LRP1B: variants seen among roughly 807,000 people sequenced by gnomAD.
LRP1B encodes the protein LDL receptor related protein 1B.
LRP1B carries 217 observed loss-of-function variants against 556.6 expected under a neutral mutation model. The ratio of observed to expected loss-of-function variants is 0.39; its 90% confidence interval spans 0.35 to 0.44. LRP1B has a LOEUF of 0.44. LRP1B is among the 20% of genes least tolerant of loss of function. The pLI, the probability that LRP1B is intolerant of heterozygous loss-of-function variation, is 1.00. For synonymous variants in LRP1B, 2,047 were observed against 1,865.8 expected, an observed-to-expected ratio of 1.10 and a Z score of -2.50; for missense variants, 5,053 against 5,620.8, an observed-to-expected ratio of 0.90 and a Z score of 3.23.
intron 31 of LRP1B, among the ~76,000 whole-genome samples, chr2:140,832,138 G>A (rs1691739973): frequency 6.6e-6 from 1 of 151,176 alleles, no homozygotes; most frequent in Non-Finnish European, 1.5e-5. Flanking sequence ...ACTTATATAT[G>A]ATTTTTTTTT....
At chr2:140,902,813 T>C in intron 23 of LRP1B, 107 bp downstream of exon 23, 1 of 1,180,868 alleles carries the variant, frequency 8.5e-7, no homozygotes, top group Non-Finnish European at 1.2e-6. Context: ...AAATGCTTTA[T>C]CTAAAATGAG....
intron 2 of LRP1B, among the ~76,000 whole-genome samples, chr2:141,556,155 A>T (rs1685954014): frequency 6.6e-6 from 1 of 151,830 alleles, no homozygotes; most frequent in South Asian, 2.1e-4. Flanking sequence ...TTCACTAGGG[A>T]CTACCACAAA....
chr2:140,477,728 A>G (rs1483580817), intron 59 of LRP1B, among the ~76,000 whole-genome samples: 1 of 152,202 alleles, frequency 6.6e-6, no homozygotes, highest in Non-Finnish European at 1.5e-5. Flanking sequence ...CCAAGACACC[A>G]AGAAGAGAAA....
chr2:140,833,952 A>G (rs992927105), intron 31 of LRP1B, among the ~76,000 whole-genome samples: 20 of 152,246 alleles, frequency 1.3e-4, no homozygotes, highest in Non-Finnish European at 2.4e-4. Flanking sequence ...TTTTAATAAC[A>G]TAACATTACT....
intron 7 of LRP1B, among the ~76,000 whole-genome samples, chr2:141,160,881 C>T (rs975752875): frequency 6.6e-6 from 1 of 151,110 alleles, no homozygotes; most frequent in Admixed American, 6.6e-5. Context: ...TTCCAAAGGG[C>T]TATATACCAA....
intron 2 of LRP1B, among the ~76,000 whole-genome samples, chr2:141,714,725 A>T (rs1238551345): frequency 6.6e-6 from 1 of 152,160 alleles, no homozygotes; most frequent in Non-Finnish European, 1.5e-5. Flanking sequence ...AGGAAACTTA[A>T]GACAACTTTC....
rs549998230 is a variant in LRP1B, at chr2:141,614,937, C to T, written c.206-134404G>A. Among the ~76,000 whole-genome samples the T allele has an allele frequency of 8.5e-5, 13 of 152,220 alleles. 1 individual carries two copies. The South Asian group carries it at 1.0e-3, about 12-fold the overall frequency. On this transcript the variant is annotated intron_variant, in intron 2 of 90. Transcript: ENST00000389484. The stretch of plus-strand genomic sequence containing the variant: ...AACACACTGCATCCTGGTATAATAA[C>T]GTGGAAGTGGCTTTGGAATTGGGTA...
intron 45 of LRP1B, among the ~76,000 whole-genome samples, chr2:140,539,578 C>A (rs1021673000): frequency 3.9e-5 from 6 of 152,070 alleles, no homozygotes; most frequent in African/African-American, 1.2e-4. Flanking sequence ...CAAGGACAGG[C>A]CTCCACCGAA....
intron 3 of LRP1B, among the ~76,000 whole-genome samples, chr2:141,276,309 T>A (rs1685282511): frequency 6.6e-6 from 1 of 151,194 alleles, no homozygotes; most frequent in African/African-American, 2.4e-5. Context: ...TTTTTTAGCT[T>A]TTAGTTTTAG....
chr2:141,597,088 G>T (rs566364138), intron 2 of LRP1B, among the ~76,000 whole-genome samples: 5 of 149,758 alleles, frequency 3.3e-5, no homozygotes, highest in Non-Finnish European at 7.4e-5. Flanking sequence ...ACACACATCT[G>T]CATTCATCCA....
chr2:141,361,610 C>T (rs1030313739), intron 3 of LRP1B, among the ~76,000 whole-genome samples: 1 of 152,098 alleles, frequency 6.6e-6, no homozygotes, highest in Non-Finnish European at 1.5e-5. Context: ...TTTTCTTTAG[C>T]ATTGTTTATA....
intron 2 of LRP1B, among the ~76,000 whole-genome samples, chr2:141,599,784 A>T (rs889976880): frequency 2.0e-5 from 3 of 152,126 alleles, no homozygotes; most frequent in Non-Finnish European, 2.9e-5. Flanking sequence ...ACTAAGAAAA[A>T]TTCCATTTAT....
intron 2 of LRP1B, among the ~76,000 whole-genome samples, chr2:141,798,442 T>C (rs138116788): frequency 6.4e-4 from 97 of 152,208 alleles, no homozygotes; most frequent in African/African-American, 2.1e-3. Flanking sequence ...GCACGGTGGC[T>C]CACGCCTATA....
In LRP1B at chr2:140,506,689, T is replaced by A. The variant is rs146227319; in HGVS notation, c.8521+107A>T. On this transcript the variant is annotated intron_variant, in intron 53 of 90. Coordinates refer to ENST00000389484, the MANE Select transcript of LRP1B (RefSeq NM_018557.3). ...TATTACTGAATTCACTGGGTGTTGA[T>A]GACACTAAGAAATGTGTTGCTTGTT... 1,080 of 1,139,358 alleles carry A rather than the reference T, an allele frequency of 9.5e-4. 9 individuals carry two copies. The African/African-American group carries it at 0.014, about 15-fold the overall frequency. The allele number at this position is 1,139,358 out of a possible 1,614,324, so 70.6% of individuals were successfully genotyped here. A position where few individuals can be genotyped will look rare whatever the true frequency, so the allele number is the denominator to read the frequency against.
In LRP1B at chr2:140,350,903, T is replaced by C. The variant is rs184817280; in HGVS notation, c.11786A>G (p.Tyr3929Cys). ...CCAAATAATCATATCTCTTTGATAATATACATCCATCCCTGTTATTCTTGA... is the reference window on the plus strand; with the variant it reads ...CCAAATAATCATATCTCTTTGATAACATACATCCATCCCTGTTATTCTTGA... ...HNSRITGMDVYYQRDMIIWST... is the reference protein window; with the variant it reads ...HNSRITGMDVCYQRDMIIWST... Residue 3929 changes from tyrosine (Y) to cysteine (C), a missense_variant, in exon 77 of 91, where the codon TAT becomes TGT. By Grantham distance (194) the Tyr-to-Cys change is radical. Around this residue, in one of 5 missense-constraint regions of LRP1B, gnomAD observed 599 missense variants for 648.4 expected, o/e 0.92. Transcript: ENST00000389484. The C allele has an allele frequency of 6.2e-7, 1 of 1,611,350 alleles. No homozygotes were observed. The highest frequency in any genetic ancestry group is 1.1e-5 in the South Asian group (1 of 90,984).
chr2:141,996,404 T>C (rs1452219573), intron 1 of LRP1B, among the ~76,000 whole-genome samples: 3 of 36,816 alleles, frequency 8.1e-5, no homozygotes, highest in African/African-American at 3.2e-4. Context: ...ATTGAACCTC[T>C]ACAGATCTCA....
intron 7 of LRP1B, among the ~76,000 whole-genome samples, chr2:141,125,853 A>C (rs1701190332): frequency 6.8e-6 from 1 of 147,648 alleles, no homozygotes; most frequent in Non-Finnish European, 1.5e-5. Context: ...GCAAAAAAAA[A>C]AAAAAAAACA....
At chr2:140,309,497 C>T (rs932465191) in intron 83 of LRP1B, among the ~76,000 whole-genome samples, 5 of 151,674 alleles carry the variant, frequency 3.3e-5, no homozygotes, top group Admixed American at 2.6e-4. Flanking sequence ...ATGGTCCAAT[C>T]GAATCACTAA....
At chr2:141,052,291 C>T (rs371883813) in intron 10 of LRP1B, among the ~76,000 whole-genome samples, 16 of 151,886 alleles carry the variant, frequency 1.1e-4, no homozygotes, top group African/African-American at 3.9e-4. Flanking sequence ...AAATCATTAA[C>T]ATTTCTAGAG....
Sources: allele counts gnomAD v4.1 joint callset (sites outside exome capture counted in the v4.1 genomes callset), GRCh38; gene constraint gnomAD v4.1.1; regional missense constraint gnomAD v4.1.1; transcripts MANE v1.5; gene names NCBI Gene and HGNC (gene_info 2026-07-23, HGNC 2026-07-21).